The following SGSM3 variants were observed in gnomAD, a reference collection of about 807,000 sequenced individuals.
The protein encoded by SGSM3 is RUN and SH3 containing 3.
In SGSM3, 96 loss-of-function variants were observed where a neutral mutation model predicts 100.5. The observed-to-expected ratio is 0.96, with a 90% CI of 0.81 to 1.13. The LOEUF is 1.13. Ranked by LOEUF, SGSM3 falls within the 50% of genes most tolerant of loss-of-function variation. The pLI is 0.00. For missense variants in SGSM3, 1,001 were observed against 1,015.8 expected (o/e 0.99, Z 0.20); for synonymous variants, 483 against 422.8 (o/e 1.14, Z -1.75).
intron 16 of SGSM3, 31 bp from the exon 17 acceptor site, chr22:40,408,596 C>T: frequency 6.2e-7 from 1 of 1,612,698 alleles, no homozygotes; most frequent in Non-Finnish European, 8.5e-7. Context: ...TCTTCCTGTC[C>T]CTGCACTCAC....
In SGSM3 at chr22:40,410,033, A is replaced by AGGGAAG. The variant is rs910177378; in HGVS notation, c.*279_*284dup. On this transcript the variant is annotated 3_prime_UTR_variant, in exon 22 of 22. Coordinates refer to ENST00000248929, the MANE Select transcript of SGSM3 (RefSeq NM_015705.6). ...GGGAGCCATGTCTGTGCTCAGGAAGAGGGAAGGGGATGGGGGTGGCTAGTA... is the reference window on the plus strand; with the variant it reads ...GGGAGCCATGTCTGTGCTCAGGAAGAGGGAAGGGGAAGGGGATGGGGGTGGCTAGTA... The AGGGAAG allele has an allele frequency of 7.6e-7, 1 of 1,312,568 alleles. No homozygotes were observed. Among genetic ancestry groups the AGGGAAG allele is most frequent in the Non-Finnish European group, 9.7e-7 (1 of 1,035,164 alleles). 81.3% of individuals were successfully genotyped at this position (1,312,568 alleles called of 1,614,324 possible). A position where few individuals can be genotyped will look rare whatever the true frequency, so the allele number is the denominator to read the frequency against.
At position 40,407,146 on chromosome 22, in the gene SGSM3, C is replaced by T. The variant is rs971678654; in HGVS notation, c.1241-55C>T. ...TCACGCTCATGTGGACGTGGAGCTT[C>T]CTCCTCGGGGGCCTGGAGTGGGCTG... On this transcript the variant is annotated intron_variant, in intron 11 of 21. Transcript: ENST00000248929. The surrounding 1 kb of genome is among the most constrained non-coding windows in gnomAD (Gnocchi z 4.7). 3.7e-5 allele frequency: 59 copies of T among 1,612,258 alleles called. No individual in the cohort carries two copies. The highest frequency in any genetic ancestry group is 1.6e-4 in the Middle Eastern group (1 of 6,082).
chr22:40,389,570 G>C (rs1363921160), intron 1 of SGSM3, among the ~76,000 whole-genome samples: 1 of 131,268 alleles, frequency 7.6e-6, no homozygotes, highest in Non-Finnish European at 1.6e-5. Context: ...CTGCACTCCA[G>C]CCTGGGCCAC....
chr22:40,372,252 G>A lies in SGSM3; in HGVS notation c.-112+1564G>A, dbSNP rs370146594. 1.9e-4 allele frequency among the ~76,000 whole-genome samples: 29 copies of A among 149,576 alleles called. No individual in the cohort carries two copies. The South Asian group carries it at 6.0e-3, about 31-fold the overall frequency. On this transcript the variant is annotated intron_variant, in intron 1 of 21. Transcript: ENST00000248929. ...CGCCATTCTCCTGCCTCAGCCTCCC[G>A]AGTAGCTGGGACTATAGGTGCCCGC...
chr22:40,409,057 G>A (rs754308560), intron 19 of SGSM3, 39 bp downstream of exon 19: 4 of 1,553,672 alleles, frequency 2.6e-6, no homozygotes, highest in Non-Finnish European at 3.5e-6. Context: ...GCCCTGGAGT[G>A]GGGGGACCCA....
At chr22:40,379,520 T>C (rs2047212467) in intron 1 of SGSM3, 1 of 152,280 alleles carries the variant, frequency 6.6e-6, no homozygotes, top group African/African-American at 2.4e-5. Context: ...GACTGACTGT[T>C]GGATTGTTTA....
chr22:40,396,812 T>C (rs1482307237), intron 1 of SGSM3, among the ~76,000 whole-genome samples: 3 of 152,090 alleles, frequency 2.0e-5, no homozygotes, highest in African/African-American at 7.2e-5. Context: ...GGACAGAACC[T>C]TTTCTGCCCC....
In SGSM3 at chr22:40,407,205, G is replaced by T. The variant is rs2051698902; in HGVS notation, c.1245G>T (p.Glu415Asp). The change falls in exon 12 of 22, where the codon GAG becomes GAT. Residue 415 changes from glutamate to aspartate, a missense_variant. Coordinates refer to ENST00000248929, the MANE Select transcript of SGSM3 (RefSeq NM_015705.6). This position sits in a 1 kb window ranked among gnomAD's most constrained non-coding sequence, Gnocchi z 4.7. ...ATGGTTCTCTGGGCCTCCTAGGGGA[G>T]GATGACCTGGAGGCACTCAAGGCCA... Reference protein sequence around the residue: ...KSTITALLFGEDDLEALKAKN... With the variant: ...KSTITALLFGDDDLEALKAKN... The T allele has an allele frequency of 6.2e-7, 1 of 1,613,624 alleles. No homozygotes were observed. The highest frequency in any genetic ancestry group is 8.5e-7 in the Non-Finnish European group (1 of 1,179,948).
intron 1 of SGSM3, among the ~76,000 whole-genome samples, chr22:40,390,913 A>G (rs974409301): frequency 6.6e-6 from 1 of 152,190 alleles, no homozygotes; most frequent in Admixed American, 6.5e-5. Context: ...GTGCTTATTC[A>G]TCAAACAGTC....
chr22:40,370,807 C>G (rs1012324046), intron 1 of SGSM3, 119 bp downstream of exon 1: 1 of 152,168 alleles, frequency 6.6e-6, no homozygotes, highest in African/African-American at 2.4e-5. Flanking sequence ...GCCGAAGGCG[C>G]CCACGAGAGA....
chr22:40,386,945 TTTTAG>T (rs1463332583), intron 1 of SGSM3, among the ~76,000 whole-genome samples: 1 of 152,170 alleles, frequency 6.6e-6, no homozygotes, highest in African/African-American at 2.4e-5. Flanking sequence ...AAAAAATTTT[TTTTAG>T]TTGCTTTGTG....
intron 10 of SGSM3, 75 bp from the exon 11 acceptor site, chr22:40,406,942 C>A: frequency 7.2e-7 from 1 of 1,386,554 alleles, no homozygotes; most frequent in Non-Finnish European, 1.0e-6. Context: ...TCAGATGAGA[C>A]AGTATAAGCC....
chr22:40,371,733 C>T (rs1478457221), intron 1 of SGSM3, among the ~76,000 whole-genome samples: 2 of 151,360 alleles, frequency 1.3e-5, no homozygotes, highest in African/African-American at 2.4e-5. Flanking sequence ...GAGTTTCGCT[C>T]TTGCCCGGGC....
rs778197171 is a variant in SGSM3, at chr22:40,407,026, C to G, written c.1195C>G (p.Arg399Gly). ...ACTCCTCTTGGTGCAGGTTGTTCGC[C>G]GCAGGACCCAGCGGAGGAAGTCCAC... ...TLTNLSQVVR[R>G]RTQRRKSTIT... is the part of the protein sequence containing the mutation. Residue 399 changes from arginine (R) to glycine (G), a missense_variant, in exon 11 of 22, where the codon CGC becomes GGC. By Grantham distance (125) the Arg-to-Gly change is moderately radical. Coordinates refer to ENST00000248929, the MANE Select transcript of SGSM3 (RefSeq NM_015705.6). The surrounding 1 kb of genome is among the most constrained non-coding windows in gnomAD (Gnocchi z 4.7). 6.3e-7 allele frequency: 1 copy of G among 1,577,330 alleles called. No homozygotes were observed. Among genetic ancestry groups the G allele is most frequent in the Admixed American group, 1.8e-5 (1 of 54,334 alleles).
At chr22:40,408,004 T>C in intron 14 of SGSM3, 67 bp from the exon 15 acceptor site, 5 of 1,531,628 alleles carry the variant, frequency 3.3e-6, no homozygotes, top group Non-Finnish European at 4.5e-6. Flanking sequence ...TCAGCCTGCC[T>C]GCAGGCTGTG....
rs1602122747 is a variant in SGSM3, at chr22:40,407,944, A to C, written c.1579+101A>C. On this transcript the variant is annotated intron_variant, in intron 14 of 21. Transcript: ENST00000248929. This position sits in a 1 kb window ranked among gnomAD's most constrained non-coding sequence, Gnocchi z 4.7. ...GCCACCAAGCTGTTCTCCTCTATAC[A>C]CCTGCCTGGCTTGAGGTCCCTGAAG... 1 of 1,453,312 alleles carries C rather than the reference A, an allele frequency of 6.9e-7. No individual in the cohort carries two copies. The highest frequency in any genetic ancestry group is 9.5e-7 in the Non-Finnish European group (1 of 1,057,374). 90.0% of individuals were successfully genotyped at this position (1,453,312 alleles called of 1,614,324 possible). A position where few individuals can be genotyped will look rare whatever the true frequency, so the allele number is the denominator to read the frequency against.
chr22:40,371,060 C>G (rs566790391), intron 1 of SGSM3, among the ~76,000 whole-genome samples: 85 of 152,346 alleles, frequency 5.6e-4, no homozygotes, highest in African/African-American at 1.9e-3. Flanking sequence ...CTGGCTGGCT[C>G]TGGCACCGGG....
At chr22:40,396,775 G>C (rs2050108302) in intron 1 of SGSM3, among the ~76,000 whole-genome samples, 1 of 152,090 alleles carries the variant, frequency 6.6e-6, no homozygotes, top group Non-Finnish European at 1.5e-5. Flanking sequence ...ATATCCCTCT[G>C]ATCTATATGA....
chr22:40,407,397 G>A lies in SGSM3; in HGVS notation c.1369-16G>A. The stretch of plus-strand genomic sequence containing the variant: ...CTCCTCCAACCCCCTTGGTGGGCCT[G>A]TGTTCACTGTGGCAGGAGCTGACTC... On this transcript the variant is annotated splice_polypyrimidine_tract_variant and intron_variant, in intron 12 of 21. Coordinates refer to ENST00000248929, the MANE Select transcript of SGSM3 (RefSeq NM_015705.6). The surrounding 1 kb of genome is among the most constrained non-coding windows in gnomAD (Gnocchi z 4.7). The A allele has an allele frequency of 6.2e-7, 1 of 1,611,490 alleles. No homozygotes were observed. The highest frequency in any genetic ancestry group is 8.5e-7 in the Non-Finnish European group (1 of 1,178,466).
Sources: allele counts gnomAD v4.1 joint callset (sites outside exome capture counted in the v4.1 genomes callset), GRCh38; gene constraint gnomAD v4.1.1; non-coding constraint Gnocchi (gnomAD v3.1); transcripts MANE v1.5; gene names NCBI Gene and HGNC (gene_info 2026-07-23, HGNC 2026-07-21).